The following NCKAP1 variants were observed in gnomAD, a reference collection of about 807,000 sequenced individuals.
NCKAP1 encodes the protein NCK associated protein 1.
Under a neutral mutation model 151.2 loss-of-function variants are expected in NCKAP1, and 21 were observed. That is an observed-to-expected ratio of 0.14 (90% confidence interval 0.10 to 0.20). NCKAP1 has a LOEUF of 0.20. Ranked by LOEUF, NCKAP1 falls within the 10% of genes least tolerant of loss-of-function variation. NCKAP1 has a pLI of 1.00. For synonymous variants in NCKAP1, 484 were observed against 451.8 expected, an observed-to-expected ratio of 1.07 and a Z score of -0.90; for missense variants, 933 against 1,352.1, an observed-to-expected ratio of 0.69 and a Z score of 4.86.
rs1043167192 is a variant in NCKAP1 at position 182,919,669 on chromosome 2, T to G, written c.*6033A>C. On this transcript the variant is annotated 3_prime_UTR_variant, in exon 31 of 31. Coordinates refer to ENST00000361354, the MANE Select transcript of NCKAP1 (RefSeq NM_013436.5). ...AATGTATTATAATTTTTTTTTTTTT[T>G]GAGACAGAGTCTTGTTCTGTTGCCC... The G allele has an allele frequency of 2.6e-5, 4 of 151,432 alleles. No individual in the cohort carries two copies. The highest frequency in any genetic ancestry group is 2.6e-4 in the Admixed American group (4 of 15,246). 9.4% of individuals were successfully genotyped at this position (151,432 alleles called of 1,614,324 possible).
chr2:183,034,969 TCTCTTAACTTCTGGC>T (rs1321778709), intron 1 of NCKAP1, among the ~76,000 whole-genome samples: 1 of 152,080 alleles, frequency 6.6e-6, no homozygotes, highest in Non-Finnish European at 1.5e-5. Flanking sequence ...GGAATGCAAG[TCTCTTAACTTCTGGC>T]CCAGTGCTCT....
intron 29 of NCKAP1, among the ~76,000 whole-genome samples, chr2:182,927,598 G>A (rs1169853211): frequency 3.9e-5 from 6 of 151,910 alleles, no homozygotes; most frequent in Non-Finnish European, 5.9e-5. Flanking sequence ...TGTTTCATGA[G>A]GCTACATTTA....
intron 18 of NCKAP1, among the ~76,000 whole-genome samples, chr2:182,959,660 C>A (rs1434694769): frequency 6.6e-6 from 1 of 152,174 alleles, no homozygotes; most frequent in Non-Finnish European, 1.5e-5. Flanking sequence ...TGGAAGCACT[C>A]CCTTTGAAAA....
rs144931456 is a variant in NCKAP1, at chr2:182,919,420, C to A, written c.*6282G>T. ...TTAAATGACTACCTACTTCAATGTG[C>A]TTTCTGGCAGCCAGAATCTGCATGC... is the stretch of plus-strand genomic sequence containing the variant. On this transcript the variant is annotated 3_prime_UTR_variant, in exon 31 of 31. Transcript: ENST00000361354. 172 of 152,240 alleles carry A rather than the reference C, an allele frequency of 1.1e-3. No homozygotes were observed. Among genetic ancestry groups the A allele is most frequent in the African/African-American group, 4.0e-3 (165 of 41,552 alleles). The allele number at this position is 152,240 out of a possible 1,614,324, so 9.4% of individuals were successfully genotyped here.
At chr2:182,958,066 G>A (rs996024227) in intron 18 of NCKAP1, among the ~76,000 whole-genome samples, 2 of 152,188 alleles carry the variant, frequency 1.3e-5, no homozygotes, top group Admixed American at 6.5e-5. Flanking sequence ...TGAATGCCAA[G>A]CTAGAGGTTG....
chr2:183,033,168 C>T (rs1403674428), intron 1 of NCKAP1, among the ~76,000 whole-genome samples: 1 of 152,214 alleles, frequency 6.6e-6, no homozygotes, highest in East Asian at 1.9e-4. Flanking sequence ...TAATACAGTA[C>T]ACTGCAGAGT....
chr2:182,960,203 A>C (rs1013423453), intron 18 of NCKAP1, among the ~76,000 whole-genome samples: 4 of 152,136 alleles, frequency 2.6e-5, no homozygotes, highest in Admixed American at 2.0e-4. Context: ...GCTACCAATG[A>C]CTTTCTTCAC....
intron 6 of NCKAP1, among the ~76,000 whole-genome samples, chr2:182,998,572 AT>A (rs1272542724): frequency 2.0e-5 from 3 of 152,078 alleles, no homozygotes; most frequent in East Asian, 3.9e-4. Flanking sequence ...GCTCATACCT[AT>A]AATCTCAGCA....
chr2:183,014,389 A>G (rs1698645115), intron 2 of NCKAP1, among the ~76,000 whole-genome samples: 1 of 152,050 alleles, frequency 6.6e-6, no homozygotes, highest in Non-Finnish European at 1.5e-5. Context: ...TCCAGATAGT[A>G]AAAAAAAGTC....
rs1408938813 is a variant in NCKAP1, at chr2:182,952,386, T to C, written c.2601+19A>G. The stretch of plus-strand genomic sequence containing the variant: ...AGGAATTAATGTTTAAAAGCTAAAA[T>C]TAATAAAGACTATATTACCTTAAGT... On this transcript the variant is annotated intron_variant, in intron 23 of 30. Coordinates refer to ENST00000361354, the MANE Select transcript of NCKAP1 (RefSeq NM_013436.5). 6.0e-6 allele frequency: 9 copies of C among 1,498,804 alleles called. No homozygotes were observed. The highest frequency in any genetic ancestry group is 2.1e-5 in the Admixed American group (1 of 48,362). The allele number at this position is 1,498,804 out of a possible 1,614,324, so 92.8% of individuals were successfully genotyped here. A position where few individuals can be genotyped will look rare whatever the true frequency, so the allele number is the denominator to read the frequency against.
At chr2:183,010,856 A>G (rs1213204658) in intron 2 of NCKAP1, among the ~76,000 whole-genome samples, 1 of 152,206 alleles carries the variant, frequency 6.6e-6, no homozygotes, top group Non-Finnish European at 1.5e-5. Context: ...TAGAAATATA[A>G]ATAGGTTAGT....
chr2:182,918,463 GAA>G lies in NCKAP1; in HGVS notation c.*7237_*7238del, dbSNP rs1432158746. On this transcript the variant is annotated 3_prime_UTR_variant, in exon 31 of 31. Coordinates refer to ENST00000361354, the MANE Select transcript of NCKAP1 (RefSeq NM_013436.5). ...GCCCACTGACCAATGAGTGGACAAAGAAAGTGTGGTATATATACACACCACGG... is the reference window on the plus strand; with the variant it reads ...GCCCACTGACCAATGAGTGGACAAAGAGTGTGGTATATATACACACCACGG... The G allele has an allele frequency of 1.3e-5, 2 of 152,122 alleles. No individual in the cohort carries two copies. The highest frequency in any genetic ancestry group is 2.9e-5 in the Non-Finnish European group (2 of 68,014). 9.4% of individuals were successfully genotyped at this position (152,122 alleles called of 1,614,324 possible).
At chr2:182,952,183 G>A (rs1355510459) in intron 23 of NCKAP1, among the ~76,000 whole-genome samples, 1 of 152,090 alleles carries the variant, frequency 6.6e-6, no homozygotes, top group Non-Finnish European at 1.5e-5. Context: ...CCTTTACCAA[G>A]TCAATTCACC....
chr2:182,975,249 A>C, intron 15 of NCKAP1, among the ~76,000 whole-genome samples: 1 of 152,292 alleles, frequency 6.6e-6, no homozygotes, highest in South Asian at 2.1e-4. Context: ...ATAAGAAAAT[A>C]ACCTATAATA....
intron 18 of NCKAP1, among the ~76,000 whole-genome samples, chr2:182,961,420 T>C (rs1209808520): frequency 2.6e-5 from 4 of 152,186 alleles, no homozygotes; most frequent in African/African-American, 9.7e-5. Flanking sequence ...TGAGTTCATG[T>C]CCTTTGTAGG....
intron 6 of NCKAP1, among the ~76,000 whole-genome samples, chr2:182,996,057 C>CAA (rs1698262317): frequency 6.6e-6 from 1 of 152,146 alleles, no homozygotes; most frequent in Non-Finnish European, 1.5e-5. Flanking sequence ...CGTTTTTGAG[C>CAA]AAAAGCTTAG....
rs781540034 is a variant in NCKAP1, at chr2:182,942,058, T to G, written c.2695+12A>C. 12 of 1,593,254 alleles carry G rather than the reference T, an allele frequency of 7.5e-6. No homozygotes were observed. The South Asian group carries it at 9.2e-5, about 12-fold the overall frequency. ...CTTCTTATGTTTATAAAAAGTATCA[T>G]GAGTTACCCACATGATAATCTTTTA... On this transcript the variant is annotated intron_variant, in intron 24 of 30. Transcript: ENST00000361354.
chr2:182,988,947 C>T, intron 9 of NCKAP1, 83 bp downstream of exon 9: 2 of 1,251,310 alleles, frequency 1.6e-6, no homozygotes, highest in Non-Finnish European at 2.3e-6. Context: ...AGTGTGACTA[C>T]TCCTTTATCC....
intron 7 of NCKAP1, 77 bp downstream of exon 7, chr2:182,995,624 C>A: frequency 1.5e-6 from 2 of 1,350,576 alleles, no homozygotes; most frequent in East Asian, 2.3e-5. Context: ...TAGAAACAAA[C>A]AGCAACAGCA....
Sources: allele counts gnomAD v4.1 joint callset (sites outside exome capture counted in the v4.1 genomes callset), GRCh38; gene constraint gnomAD v4.1.1; transcripts MANE v1.5; gene names NCBI Gene and HGNC (gene_info 2026-07-23, HGNC 2026-07-21).